Variants in RASA3 observed in about 807,000 individuals in gnomAD.
The protein encoded by RASA3 is RAS p21 protein activator 3, also known as ras GTPase-activating protein 3.
RASA3 carries 73 observed loss-of-function variants against 110.0 expected under a neutral mutation model. The observed-to-expected ratio is 0.66, with a 90% CI of 0.55 to 0.81. The LOEUF is 0.81. RASA3 is among the 30% of genes least tolerant of loss of function. The pLI, the probability that RASA3 is intolerant of heterozygous loss-of-function variation, is 0.00. For synonymous variants in RASA3, 500 were observed against 451.4 expected (o/e 1.11, Z -1.37); for missense variants, 976 against 1,113.2 (o/e 0.88, Z 1.75).
chr13:114,126,586 G>A (rs936387855), intron 1 of RASA3, among the ~76,000 whole-genome samples: 1 of 152,204 alleles, frequency 6.6e-6, no homozygotes, highest in East Asian at 1.9e-4. Context: ...CACCTCTCCA[G>A]AGTGTGAGCT....
chr13:114,126,309 G>C (rs1392249208), intron 1 of RASA3, among the ~76,000 whole-genome samples: 2 of 152,194 alleles, frequency 1.3e-5, no homozygotes, highest in African/African-American at 4.8e-5. Flanking sequence ...TCGGCCAGAG[G>C]CCCATCCACA....
chr13:114,049,629 C>T (rs973490187), intron 3 of RASA3, among the ~76,000 whole-genome samples: 5 of 152,246 alleles, frequency 3.3e-5, no homozygotes, highest in Non-Finnish European at 5.9e-5. Context: ...GAGCTGGTGA[C>T]GAGGCCTGAC....
At chr13:113,989,427 ATC>A (rs2053052138) in intron 22 of RASA3, among the ~76,000 whole-genome samples, 1 of 127,822 alleles carries the variant, frequency 7.8e-6, no homozygotes, top group Non-Finnish European at 1.6e-5. Flanking sequence ...CCATCCACCC[ATC>A]TCTCACCCAT....
intron 1 of RASA3, among the ~76,000 whole-genome samples, chr13:114,109,342 G>A (rs9314894): frequency 0.55 from 83,821 of 151,918 alleles, 23,466 homozygotes; most frequent in East Asian, 0.75. Flanking sequence ...AACTCAGCTC[G>A]TTTGTGCTGC....
At chr13:114,043,723 A>G (rs1202167592) in intron 3 of RASA3, among the ~76,000 whole-genome samples, 1 of 152,080 alleles carries the variant, frequency 6.6e-6, no homozygotes, top group Non-Finnish European at 1.5e-5. Flanking sequence ...AGGGAGGCTC[A>G]GAGAGAAATC....
Position 114,112,099 on chromosome 13 carries a change from A to ACCCCCCC in RASA3, c.55+20329_55+20335dup, listed in dbSNP as rs112367486. 1.4e-4 allele frequency among the ~76,000 whole-genome samples: 21 copies of ACCCCCCC among 149,130 alleles called. No homozygotes were observed. The highest frequency in any genetic ancestry group is 2.2e-4 in the Non-Finnish European group (15 of 67,114). The stretch of plus-strand genomic sequence containing the variant: ...TCCCTGGAAACAGCAGCCCCCAGGC[A>ACCCCCCC]CCCCCCCCAGCAACTGGGACAAGGG... On this transcript the variant is annotated intron_variant, in intron 1 of 23. Coordinates refer to ENST00000334062, the MANE Select transcript of RASA3 (RefSeq NM_007368.4). The surrounding 1 kb of genome is among the most constrained non-coding windows in gnomAD (Gnocchi z 4.8).
In RASA3 at chr13:114,011,081, T is replaced by C; in HGVS notation, c.1590+90A>G. On this transcript the variant is annotated intron_variant, in intron 16 of 23. Transcript: ENST00000334062. The surrounding 1 kb of genome is among the most constrained non-coding windows in gnomAD (Gnocchi z 4.8). ...TCTTGATCTTTATCTTACGACTCTC[T>C]CAAATGTGGGAGGTTTTTCACGTGT... The C allele has an allele frequency of 8.3e-7, 1 of 1,202,210 alleles. No homozygotes were observed. Among genetic ancestry groups the C allele is most frequent in the Non-Finnish European group, 1.2e-6 (1 of 823,840 alleles). The allele number at this position is 1,202,210 out of a possible 1,614,324, so 74.5% of individuals were successfully genotyped here. A position where few individuals can be genotyped will look rare whatever the true frequency, so the allele number is the denominator to read the frequency against.
intron 23 of RASA3, among the ~76,000 whole-genome samples, chr13:113,981,145 C>G (rs1015245277): frequency 6.6e-6 from 1 of 152,210 alleles, no homozygotes; most frequent in African/African-American, 2.4e-5. Context: ...GAGGGTCTTA[C>G]AACCCTCTGT....
rs919237188 is a variant in RASA3, at chr13:114,014,941, T to A, written c.1405+268A>T. 2.0e-5 allele frequency among the ~76,000 whole-genome samples: 3 copies of A among 151,758 alleles called. No homozygotes were observed. Among genetic ancestry groups the A allele is most frequent in the Admixed American group, 6.6e-5 (1 of 15,248 alleles). On this transcript the variant is annotated intron_variant, in intron 14 of 23. Coordinates refer to ENST00000334062, the MANE Select transcript of RASA3 (RefSeq NM_007368.4). This position sits in a 1 kb window ranked among gnomAD's most constrained non-coding sequence, Gnocchi z 4.5. ...AGGGCTGGGCCCCTCTAGAGACCAC[T>A]GCGGTGGTGATCTCCAGGGCTGGGG...
chr13:114,103,957 C>A (rs1261678155), intron 1 of RASA3, among the ~76,000 whole-genome samples: 1 of 81,432 alleles, frequency 1.2e-5, no homozygotes, highest in Admixed American at 1.3e-4. Context: ...CGGACACCCA[C>A]CCCCGATGCG....
At chr13:114,043,351 GCATCTT>G (rs2054457012) in intron 3 of RASA3, among the ~76,000 whole-genome samples, 3 of 152,172 alleles carry the variant, frequency 2.0e-5, no homozygotes, top group African/African-American at 7.2e-5. Context: ...ATGCACGTCA[GCATCTT>G]CATCTGATGT....
chr13:114,099,459 C>T (rs1055329507), intron 1 of RASA3, among the ~76,000 whole-genome samples: 4 of 151,822 alleles, frequency 2.6e-5, no homozygotes, highest in African/African-American at 4.8e-5. Flanking sequence ...ATTTGGATTC[C>T]CCGGGGTGTC....
At chr13:114,025,983 G>A (rs1449226849) in intron 7 of RASA3, among the ~76,000 whole-genome samples, 1 of 152,236 alleles carries the variant, frequency 6.6e-6, no homozygotes, top group East Asian at 1.9e-4. Flanking sequence ...CCAAAGAGCA[G>A]GGCCCCGCGC....
intron 2 of RASA3, among the ~76,000 whole-genome samples, chr13:114,071,022 G>C (rs575909703): frequency 4.0e-5 from 6 of 151,826 alleles, no homozygotes; most frequent in African/African-American, 1.2e-4. Context: ...ACGTGGGCAG[G>C]GCTGCCGGCG....
intron 5 of RASA3, among the ~76,000 whole-genome samples, chr13:114,028,768 T>C (rs370227069): frequency 1.5e-4 from 6 of 41,078 alleles, no homozygotes; most frequent in Admixed American, 5.6e-4. Flanking sequence ...TCTAAAACAG[T>C]GTCATCCTGG....
intron 1 of RASA3, among the ~76,000 whole-genome samples, chr13:114,078,650 G>A (rs2079731727): frequency 6.6e-6 from 1 of 152,166 alleles, no homozygotes; most frequent in African/African-American, 2.4e-5. Context: ...GCATAACACC[G>A]CAAAACCTGA....
intron 2 of RASA3, among the ~76,000 whole-genome samples, chr13:114,064,510 A>C (rs1467855316): frequency 1.3e-5 from 2 of 152,160 alleles, no homozygotes; most frequent in Non-Finnish European, 2.9e-5. Flanking sequence ...CGTGGGTCTC[A>C]TGGTGGGGGC....
At chr13:114,080,072 G>A (rs1429728699) in intron 1 of RASA3, among the ~76,000 whole-genome samples, 3 of 152,238 alleles carry the variant, frequency 2.0e-5, no homozygotes, top group Non-Finnish European at 4.4e-5. Context: ...GGTTTCCTCT[G>A]GGCCGAGTCG....
intron 1 of RASA3, among the ~76,000 whole-genome samples, chr13:114,089,299 AG>A (rs941894354): frequency 5.4e-4 from 8 of 14,774 alleles, no homozygotes; most frequent in Non-Finnish European, 1.0e-3. Flanking sequence ...AGCGGGGAGG[AG>A]GGGGGGAGGA....
Sources: gnomAD v4.1 joint callset for allele counts (sites outside exome capture counted in the v4.1 genomes callset) on GRCh38, gnomAD v4.1.1 for gene constraint, Gnocchi (gnomAD v3.1) non-coding constraint, MANE v1.5 for transcripts, NCBI Gene and HGNC (gene_info 2026-07-23, HGNC 2026-07-21) for gene names.